The following CLPTM1 variants were observed in gnomAD, a reference collection of about 807,000 sequenced individuals.
CLPTM1 encodes the protein CLPTM1 regulator of GABA type A receptor forward trafficking.
Under a neutral mutation model 77.3 loss-of-function variants are expected in CLPTM1, and 21 were observed. The observed-to-expected ratio is 0.27, with a 90% CI of 0.19 to 0.39. CLPTM1 has a LOEUF of 0.39. CLPTM1 is among the 10% of genes least tolerant of loss of function. The pLI is 1.00. For missense variants in CLPTM1, 642 were observed against 921.2 expected, an observed-to-expected ratio of 0.70 and a Z score of 3.92; for synonymous variants, 373 against 381.0, an observed-to-expected ratio of 0.98 and a Z score of 0.24.
intron 2 of CLPTM1, among the ~76,000 whole-genome samples, chr19:44,971,766 C>T (rs1970721455): frequency 6.6e-6 from 1 of 151,966 alleles, no homozygotes; most frequent in Non-Finnish European, 1.5e-5. Context: ...ATCATGTTGC[C>T]CAGGCTGGTC....
intron 5 of CLPTM1, among the ~76,000 whole-genome samples, chr19:44,982,865 C>T (rs1490441130): frequency 1.3e-5 from 2 of 152,112 alleles, no homozygotes; most frequent in Non-Finnish European, 2.9e-5. Flanking sequence ...AATTTGAGAC[C>T]AGCCTGGCCA....
Position 44,987,352 on chromosome 19 carries a change from A to T in CLPTM1, c.967A>T (p.Thr323Ser), listed in dbSNP as rs748376529. The part of the protein sequence containing the change: ...WRWQLYAAQS[T>S]KSPWNFLGDE... ...CTGGCAGCTCTATGCTGCCCAGAGC[A>T]CCAAGTCGCCCTGGAACTTCCTGGG... The change falls in exon 8 of 14, where the codon ACC (threonine) becomes TCC (serine). Residue 323 changes from threonine to serine, a missense_variant. This residue lies in a region of CLPTM1 where 521 missense variants were observed against 800.4 expected (regional missense o/e 0.65). Coordinates refer to ENST00000337392, the MANE Select transcript of CLPTM1 (RefSeq NM_001294.4). The T allele has an allele frequency of 3.1e-6, 5 of 1,614,248 alleles. No individual in the cohort carries two copies. The Admixed American group carries it at 8.3e-5, about 27-fold the overall frequency.
chr19:44,960,570 C>T (rs1568640476), intron 1 of CLPTM1, among the ~76,000 whole-genome samples: 1 of 152,180 alleles, frequency 6.6e-6, no homozygotes, highest in Non-Finnish European at 1.5e-5. Flanking sequence ...AGAGCTCTTG[C>T]TGGTGAAGGG....
At chr19:44,972,104 C>T (rs927371059) in intron 2 of CLPTM1, among the ~76,000 whole-genome samples, 4 of 151,696 alleles carry the variant, frequency 2.6e-5, no homozygotes, top group South Asian at 2.1e-4. Context: ...TTCTTGACCT[C>T]GTGATTTGCC....
At chr19:44,982,177 C>T (rs1256647286) in intron 5 of CLPTM1, among the ~76,000 whole-genome samples, 2 of 151,716 alleles carry the variant, frequency 1.3e-5, no homozygotes, top group Admixed American at 6.6e-5. Context: ...AATGAAACCC[C>T]AGCTATACTA....
At chr19:44,967,428 G>A (rs1369755105) in intron 2 of CLPTM1, among the ~76,000 whole-genome samples, 1 of 152,142 alleles carries the variant, frequency 6.6e-6, no homozygotes, top group Non-Finnish European at 1.5e-5. Context: ...GGAGACCAAG[G>A]TAGGTGAATC....
chr19:44,991,446 CA>C lies in CLPTM1; in HGVS notation c.1555+74del. ...GGGCTCACAGCCCCAGTGTAGGAGACAGACCCATCCCCAGACAGGGACAACC... is the reference window on the plus strand; with the variant it reads ...GGGCTCACAGCCCCAGTGTAGGAGACGACCCATCCCCAGACAGGGACAACC... On this transcript the variant is annotated intron_variant, in intron 12 of 13. Transcript: ENST00000337392. The surrounding 1 kb of genome is among the most constrained non-coding windows in gnomAD (Gnocchi z 5.4). 1 of 1,556,174 alleles carries C rather than the reference CA, an allele frequency of 6.4e-7. No homozygotes were observed. The highest frequency in any genetic ancestry group is 2.3e-5 in the East Asian group (1 of 44,220).
Position 44,992,259 on chromosome 19 carries a change from TTCA to T in CLPTM1, c.1586_1588del (p.Ile529del). 1 of 1,614,042 alleles carries T rather than the reference TTCA, an allele frequency of 6.2e-7. No individual in the cohort carries two copies. The highest frequency in any genetic ancestry group is 8.5e-7 in the Non-Finnish European group (1 of 1,179,970). ...CTTCATCACCATGACGCCCCAGCTC[TTCA>T]TCAACTACAAGCTCAAGTCTGTGGC... On this transcript the variant is annotated inframe_deletion, in exon 13 of 14. Coordinates refer to ENST00000337392, the MANE Select transcript of CLPTM1 (RefSeq NM_001294.4). This position sits in a 1 kb window ranked among gnomAD's most constrained non-coding sequence, Gnocchi z 7.7.
chr19:44,990,731 T>G lies in CLPTM1; in HGVS notation c.1324-119T>G. 1 of 1,325,420 alleles carries G rather than the reference T, an allele frequency of 7.5e-7. No individual in the cohort carries two copies. The highest frequency in any genetic ancestry group is 1.1e-6 in the Non-Finnish European group (1 of 939,922). 82.1% of individuals were successfully genotyped at this position (1,325,420 alleles called of 1,614,324 possible). On this transcript the variant is annotated intron_variant, in intron 10 of 13. Transcript: ENST00000337392. The surrounding 1 kb of genome is among the most constrained non-coding windows in gnomAD (Gnocchi z 4.8). ...TGAGGGGATTTTCTCACCAGGGGAT[T>G]TTTTGGGTCACACATGGGGCAGGGG... is the stretch of plus-strand genomic sequence containing the variant.
Position 44,974,925 on chromosome 19 carries a change from G to A in CLPTM1, c.468+328G>A, listed in dbSNP as rs371869639. On this transcript the variant is annotated intron_variant, in intron 4 of 13. Transcript: ENST00000337392. ...TATCACCAGTTTATCAGGCAGCCCC[G>A]TTTCAAAATAATATTAGTTAATGTT... Among the ~76,000 whole-genome samples, 3 of 152,304 alleles carry A rather than the reference G, an allele frequency of 2.0e-5. No homozygotes were observed. In the East Asian group the frequency reaches 5.8e-4, roughly 29 times the overall value.
chr19:44,961,915 G>GC, intron 1 of CLPTM1, 48 bp from the exon 2 acceptor site: 1 of 1,301,642 alleles, frequency 7.7e-7, no homozygotes, highest in Non-Finnish European at 1.1e-6. Context: ...GTCTAAGACA[G>GC]CCCCCGTGTC....
chr19:44,963,764 A>T (rs1970583099), intron 2 of CLPTM1, among the ~76,000 whole-genome samples: 1 of 151,978 alleles, frequency 6.6e-6, no homozygotes, highest in Non-Finnish European at 1.5e-5. Flanking sequence ...GAATTAAGGT[A>T]TGTGCCACCA....
rs1282901253 is a variant in CLPTM1, at chr19:44,990,232, T to A, written c.1133-163T>A. On this transcript the variant is annotated intron_variant, in intron 9 of 13. Coordinates refer to ENST00000337392, the MANE Select transcript of CLPTM1 (RefSeq NM_001294.4). The surrounding 1 kb of genome is among the most constrained non-coding windows in gnomAD (Gnocchi z 4.8). ...GGTGCTCTGGGGGTCACCCAATGAA[T>A]ATGAGAGCCTTCCTGGGAGAGAGGG... is the stretch of plus-strand genomic sequence containing the variant. 1.5e-6 allele frequency: 1 copy of A among 684,512 alleles called. No individual in the cohort carries two copies. Among genetic ancestry groups the A allele is most frequent in the Non-Finnish European group, 2.5e-6 (1 of 403,596 alleles). The allele number at this position is 684,512 out of a possible 1,614,324, so 42.4% of individuals were successfully genotyped here.
chr19:44,988,260 T>C (rs919618946), intron 9 of CLPTM1, 87 bp downstream of exon 9: 18 of 954,902 alleles, frequency 1.9e-5, no homozygotes, highest in Admixed American at 5.2e-5. Flanking sequence ...CCTCCCCACA[T>C]GTCCTCCCCC....
At chr19:44,978,944 A>C (rs204477) in intron 5 of CLPTM1, among the ~76,000 whole-genome samples, 1 of 151,108 alleles carries the variant, frequency 6.6e-6, no homozygotes, top group African/African-American at 2.4e-5. Context: ...GTTTTCGAGA[A>C]GTTAATAATT....
At chr19:44,971,568 G>A (rs1040467770) in intron 2 of CLPTM1, among the ~76,000 whole-genome samples, 1 of 151,692 alleles carries the variant, frequency 6.6e-6, no homozygotes, top group African/African-American at 2.4e-5. Flanking sequence ...TTAATTAATT[G>A]ATTAATTTTT....
intron 2 of CLPTM1, among the ~76,000 whole-genome samples, chr19:44,971,188 T>C (rs539385796): frequency 6.6e-6 from 1 of 152,320 alleles, no homozygotes; most frequent in East Asian, 1.9e-4. Flanking sequence ...GAAGGTTTGG[T>C]AACCTACAGT....
In CLPTM1 at chr19:44,973,159, A is replaced by C. The variant is rs763110769; in HGVS notation, c.258A>C (p.Gly86=). ...GPAPQDQAGP[G]GAPRVASRNL... ...CCCCTCAGGACCAGGCGGGCCCCGG[A>C]GGAGCTCCACGCGTCGCCAGCCGCA... The change falls in exon 3 of 14, where the codon GGA becomes GGC. Residue 86 remains glycine, a synonymous_variant. Coordinates refer to ENST00000337392, the MANE Select transcript of CLPTM1 (RefSeq NM_001294.4). The C allele has an allele frequency of 6.2e-7, 1 of 1,613,932 alleles. No individual in the cohort carries two copies. The highest frequency in any genetic ancestry group is 8.5e-7 in the Non-Finnish European group (1 of 1,179,914).
rs879273420 is a variant in CLPTM1 at position 44,972,536 on chromosome 19, G to A, written c.186-551G>A. Among the ~76,000 whole-genome samples, 55 of 152,198 alleles carry A rather than the reference G, an allele frequency of 3.6e-4. 1 individual carries two copies. Among genetic ancestry groups the A allele is most frequent in the South Asian group, 1.5e-3 (7 of 4,812 alleles). The stretch of plus-strand genomic sequence containing the variant: ...AGTGCTGGGATTACAGGCATGAGCC[G>A]CCGCGCCCGTCCTCGTTCATTCTAT... On this transcript the variant is annotated intron_variant, in intron 2 of 13. Coordinates refer to ENST00000337392, the MANE Select transcript of CLPTM1 (RefSeq NM_001294.4).
Sources: gnomAD v4.1 joint callset for allele counts (sites outside exome capture counted in the v4.1 genomes callset) on GRCh38, gnomAD v4.1.1 for gene constraint, gnomAD v4.1.1 regional missense constraint, Gnocchi (gnomAD v3.1) non-coding constraint, MANE v1.5 for transcripts, NCBI Gene and HGNC (gene_info 2026-07-23, HGNC 2026-07-21) for gene names.